VAX2: variants seen among roughly 807,000 people sequenced by gnomAD.
VAX2 encodes ventral anterior homeobox 2.
A neutral mutation model predicts 12.5 loss-of-function variants in VAX2; 8 were observed. The ratio of observed to expected loss-of-function variants is 0.64; its 90% CI spans 0.37 to 1.15. The LOEUF is 1.15. VAX2 is among the 50% of genes most tolerant of loss of function. The pLI is 0.01. For missense variants in VAX2, 476 were observed against 412.9 expected, an observed-to-expected ratio of 1.15 and a Z score of -1.32; for synonymous variants, 183 against 187.6, an observed-to-expected ratio of 0.98 and a Z score of 0.20.
In VAX2 at chr2:70,932,857, G is replaced by A; in HGVS notation, c.526G>A (p.Ala176Thr). ...EKRASSSASE[A>T]FATSNILRLL... ...GCGGGCGTCCTCCTCAGCCTCCGAG[G>A]CCTTTGCCACCTCCAACATTCTGCG... Residue 176 changes from alanine to threonine, a missense_variant, in exon 3 of 3, where the codon GCC becomes ACC. By Grantham distance (58) the Ala-to-Thr change is moderately conservative. Transcript: ENST00000234392. 1 of 1,613,540 alleles carries A rather than the reference G, an allele frequency of 6.2e-7. No homozygotes were observed.
intron 2 of VAX2, among the ~76,000 whole-genome samples, chr2:70,929,145 G>C (rs1224902257): frequency 6.6e-6 from 1 of 152,224 alleles, no homozygotes; most frequent in Non-Finnish European, 1.5e-5. Flanking sequence ...CTTCTTTCCA[G>C]TCATTGCCTT....
chr2:70,917,702 T>A (rs2104772252), intron 1 of VAX2, among the ~76,000 whole-genome samples: 1 of 152,298 alleles, frequency 6.6e-6, no homozygotes, highest in Admixed American at 6.5e-5. Context: ...CATGCCTCCA[T>A]GACCCTGAGG....
chr2:70,911,458 T>G lies in VAX2; in HGVS notation c.248-9640T>G, dbSNP rs2104765189. Among the ~76,000 whole-genome samples, 2 of 152,318 alleles carry G rather than the reference T, an allele frequency of 1.3e-5. 1 individual carries two copies. The highest frequency in any genetic ancestry group is 6.8e-3 in the Middle Eastern group (2 of 294). On this transcript the variant is annotated intron_variant, in intron 1 of 2. Coordinates refer to ENST00000234392, the MANE Select transcript of VAX2 (RefSeq NM_012476.3). ...CCAACGTTTCTGTGTGATAGAAAGC[T>G]CTATAAAAATGCTGGGACAAAGGAA...
chr2:70,913,226 GA>G (rs1393359491), intron 1 of VAX2, among the ~76,000 whole-genome samples: 1 of 152,170 alleles, frequency 6.6e-6, no homozygotes, highest in Non-Finnish European at 1.5e-5. Flanking sequence ...CTGCTTCCAA[GA>G]CCATCACAGT....
At chr2:70,908,493 T>A (rs1011362886) in intron 1 of VAX2, among the ~76,000 whole-genome samples, 1 of 152,256 alleles carries the variant, frequency 6.6e-6, no homozygotes, top group Non-Finnish European at 1.5e-5. Flanking sequence ...TTGTTTTTTT[T>A]ATAGATGCAT....
intron 1 of VAX2, among the ~76,000 whole-genome samples, chr2:70,920,553 T>C (rs1266708059): frequency 6.6e-6 from 1 of 152,050 alleles, no homozygotes; most frequent in Non-Finnish European, 1.5e-5. Context: ...CAGACTGTCC[T>C]CTACCGCTCA....
intron 2 of VAX2, among the ~76,000 whole-genome samples, chr2:70,925,472 A>G (rs1406068188): frequency 2.0e-5 from 3 of 152,188 alleles, no homozygotes; most frequent in Non-Finnish European, 1.5e-5. Context: ...GAGTTGAGAA[A>G]CTGGGGGAGA....
Position 70,933,268 on chromosome 2 carries a change from G to A in VAX2, c.*64G>A. ...CTTCCCAGTCTCCTGTGCCCCAGCG[G>A]ACAGCACTGAGCAGGCCCCGGAGAG... On this transcript the variant is annotated 3_prime_UTR_variant, in exon 3 of 3. Coordinates refer to ENST00000234392, the MANE Select transcript of VAX2 (RefSeq NM_012476.3). The A allele has an allele frequency of 7.0e-7, 1 of 1,434,008 alleles. No individual in the cohort carries two copies. The highest frequency in any genetic ancestry group is 9.2e-7 in the Non-Finnish European group (1 of 1,087,566). The allele number at this position is 1,434,008 out of a possible 1,614,324, so 88.8% of individuals were successfully genotyped here.
chr2:70,921,312 A>G (rs1679453611), intron 2 of VAX2, 27 bp downstream of exon 2: 2 of 1,541,454 alleles, frequency 1.3e-6, no homozygotes, highest in African/African-American at 2.8e-5. Context: ...AGGCCACTCC[A>G]CTCTTGTCCT....
Position 70,915,021 on chromosome 2 carries a change from C to T in VAX2, c.248-6077C>T, listed in dbSNP as rs13022035. Among the ~76,000 whole-genome samples the T allele has an allele frequency of 2.8e-3, 420 of 152,046 alleles. 3 individuals carry two copies. Among genetic ancestry groups the T allele is most frequent in the African/African-American group, 9.7e-3 (404 of 41,472 alleles). On this transcript the variant is annotated intron_variant, in intron 1 of 2. Transcript: ENST00000234392. ...TCACCATGTTGCCCAGGCTGGTCTC[C>T]AATGCCTGGCCTCAAGTGATCTGCC...
At chr2:70,918,842 G>A (rs1397871609) in intron 1 of VAX2, among the ~76,000 whole-genome samples, 9 of 135,836 alleles carry the variant, frequency 6.6e-5, no homozygotes, top group African/African-American at 1.4e-4. Flanking sequence ...CTGAAATTGC[G>A]CCACAGCACT....
intron 2 of VAX2, among the ~76,000 whole-genome samples, chr2:70,922,271 T>C (rs560163179): frequency 6.6e-6 from 1 of 152,132 alleles, no homozygotes; most frequent in South Asian, 2.1e-4. Flanking sequence ...CAAAACAGGA[T>C]TGATAAAGTG....
Position 70,900,869 on chromosome 2 carries a change from G to T in VAX2, c.247+1G>T. 7.1e-7 allele frequency: 1 copy of T among 1,409,806 alleles called. No individual in the cohort carries two copies. The highest frequency in any genetic ancestry group is 9.3e-7 in the Non-Finnish European group (1 of 1,077,860). The allele number at this position is 1,409,806 out of a possible 1,614,324, so 87.3% of individuals were successfully genotyped here. On this transcript the variant is annotated splice_donor_variant, in intron 1 of 2. Transcript: ENST00000234392. LOFTEE classifies it high-confidence loss of function. ...CACTGCCGCCGCATACTGGTGCGAG[G>T]TAAGGGGACAGCCCGCGGCCCTGCT...
chr2:70,905,719 T>C (rs1172807386), intron 1 of VAX2, among the ~76,000 whole-genome samples: 7 of 152,164 alleles, frequency 4.6e-5, no homozygotes, highest in African/African-American at 1.7e-4. Context: ...AGGTAGCTTC[T>C]GGGGAGTCCG....
At chr2:70,901,666 G>T (rs184290464) in intron 1 of VAX2, among the ~76,000 whole-genome samples, 148 of 152,312 alleles carry the variant, frequency 9.7e-4, no homozygotes, top group African/African-American at 3.0e-3. Flanking sequence ...TCCTCTCCGC[G>T]AGGCCGAGGC....
intron 1 of VAX2, among the ~76,000 whole-genome samples, chr2:70,907,616 C>A (rs1476021576): frequency 6.6e-6 from 1 of 152,280 alleles, no homozygotes; most frequent in Non-Finnish European, 1.5e-5. Context: ...CGCGGAGCTG[C>A]GGAAGCCAGG....
At chr2:70,927,458 C>A (rs1679599818) in intron 2 of VAX2, among the ~76,000 whole-genome samples, 1 of 151,184 alleles carries the variant, frequency 6.6e-6, no homozygotes, top group African/African-American at 2.4e-5. Flanking sequence ...ATGGCTTCTT[C>A]CAGAACAGCA....
intron 1 of VAX2, among the ~76,000 whole-genome samples, chr2:70,914,279 C>T (rs1316048733): frequency 4.6e-5 from 7 of 152,128 alleles, no homozygotes; most frequent in African/African-American, 1.7e-4. Context: ...GAAACCCTGT[C>T]TCTACTAAAA....
chr2:70,915,119 A>AT (rs35382480), intron 1 of VAX2, among the ~76,000 whole-genome samples: 6,154 of 147,728 alleles, frequency 0.042, 154 homozygotes, highest in Admixed American at 0.061. Context: ...TCTTAAATGT[A>AT]TTTTTTTTTT....
Sources: gnomAD v4.1 joint callset for allele counts (sites outside exome capture counted in the v4.1 genomes callset) on GRCh38, gnomAD v4.1.1 for gene constraint, MANE v1.5 for transcripts, NCBI Gene and HGNC (gene_info 2026-07-23, HGNC 2026-07-21) for gene names.